MRPS35: variants seen among roughly 807,000 people sequenced by gnomAD.
MRPS35 encodes small ribosomal subunit protein mS35.
In MRPS35, 29 loss-of-function variants were observed where a neutral mutation model predicts 32.7. The observed-to-expected ratio is 0.89, with a 90% CI of 0.66 to 1.21. MRPS35 has a LOEUF of 1.21. Among genes scored for constraint, MRPS35 ranks in the 50% most tolerant of loss-of-function variants. The probability of loss-of-function intolerance (pLI) is 0.00; values close to 1 mark genes in which losing one functional copy is unlikely to be tolerated. For missense variants in MRPS35, 373 were observed against 383.8 expected, an observed-to-expected ratio of 0.97 and a Z score of 0.23; for synonymous variants, 148 against 139.3, an observed-to-expected ratio of 1.06 and a Z score of -0.44.
intron 5 of MRPS35, chr12:27,725,706 T>A (rs917931426): frequency 2.5e-5 from 4 of 157,256 alleles, no homozygotes; most frequent in African/African-American, 9.6e-5. Flanking sequence ...TGTATGTCTT[T>A]GAATACTAGT....
At chr12:27,711,426 A>G in intron 1 of MRPS35, among the ~76,000 whole-genome samples, 1 of 152,188 alleles carries the variant, frequency 6.6e-6, no homozygotes, top group Non-Finnish European at 1.5e-5. Context: ...CAGAGATTGT[A>G]GGGATGCTTG....
chr12:27,735,811 A>G (rs1181169704), intron 6 of MRPS35, among the ~76,000 whole-genome samples: 1 of 152,172 alleles, frequency 6.6e-6, no homozygotes, highest in Non-Finnish European at 1.5e-5. Flanking sequence ...TGTATATAAA[A>G]CTCAAGAGAG....
At chr12:27,751,121 A>AAAG (rs2062001024) in intron 7 of MRPS35, among the ~76,000 whole-genome samples, 1 of 150,632 alleles carries the variant, frequency 6.6e-6, no homozygotes, top group Non-Finnish European at 1.5e-5. Flanking sequence ...AAAAAAAAAA[A>AAAG]AAAAAGAAAA....
intron 7 of MRPS35, among the ~76,000 whole-genome samples, chr12:27,753,560 T>A (rs2062014734): frequency 6.6e-6 from 1 of 152,198 alleles, no homozygotes; most frequent in African/African-American, 2.4e-5. Context: ...AGCTGGAATC[T>A]CTTTGAAGGG....
At chr12:27,739,149 C>T (rs1165809581) in intron 7 of MRPS35, among the ~76,000 whole-genome samples, 5 of 152,174 alleles carry the variant, frequency 3.3e-5, no homozygotes, top group African/African-American at 4.8e-5. Context: ...CCACCCGCCT[C>T]GGCCTCCCGA....
chr12:27,729,042 T>C (rs2061911203), intron 5 of MRPS35, among the ~76,000 whole-genome samples: 1 of 152,186 alleles, frequency 6.6e-6, no homozygotes, highest in Non-Finnish European at 1.5e-5. Context: ...ATTTTTGTTT[T>C]GCTTTTCCCT....
intron 7 of MRPS35, among the ~76,000 whole-genome samples, chr12:27,740,396 T>C (rs2061959706): frequency 6.6e-6 from 1 of 152,072 alleles, no homozygotes; most frequent in South Asian, 2.1e-4. Context: ...GCCTCCTGAA[T>C]AGCTGGGACT....
At chr12:27,753,930 TATGGGA>T (rs1449840514) in intron 7 of MRPS35, among the ~76,000 whole-genome samples, 5 of 152,178 alleles carry the variant, frequency 3.3e-5, no homozygotes, top group Non-Finnish European at 2.9e-5. Flanking sequence ...TTGTTCACAT[TATGGGA>T]ACAGAAAGAT....
At position 27,756,244 on chromosome 12, in the gene MRPS35, C is replaced by T. The variant is rs2062025897; in HGVS notation, c.*794C>T. 6.6e-6 allele frequency: 1 copy of T among 152,232 alleles called. No individual in the cohort carries two copies. The highest frequency in any genetic ancestry group is 2.4e-5 in the African/African-American group (1 of 41,458). 9.4% of individuals were successfully genotyped at this position (152,232 alleles called of 1,614,324 possible). The stretch of plus-strand genomic sequence containing the variant: ...TACACCTGTCAGCTGTTTCTTACCA[C>T]TTCGATGGTTGTGATTAATTTAAAA... On this transcript the variant is annotated 3_prime_UTR_variant, in exon 8 of 8. Coordinates refer to ENST00000081029, the MANE Select transcript of MRPS35 (RefSeq NM_021821.4).
intron 7 of MRPS35, among the ~76,000 whole-genome samples, chr12:27,741,403 G>A (rs1339351577): frequency 3.3e-5 from 5 of 152,108 alleles, no homozygotes; most frequent in Non-Finnish European, 5.9e-5. Flanking sequence ...GGGAGAATTT[G>A]TGTAAAGTGT....
intron 5 of MRPS35, among the ~76,000 whole-genome samples, chr12:27,733,105 C>T (rs969907381): frequency 6.7e-6 from 1 of 148,340 alleles, no homozygotes; most frequent in Admixed American, 6.9e-5. Flanking sequence ...AGTATTATAT[C>T]GATTCTTTGA....
At chr12:27,719,939 A>G (rs2061866768) in intron 4 of MRPS35, 71 bp downstream of exon 4, 1 of 1,117,642 alleles carries the variant, frequency 8.9e-7, no homozygotes, top group East Asian at 2.4e-5. Context: ...CTGTTCTGAT[A>G]TACTGTATAG....
chr12:27,732,999 T>TATATATATATATATAA (rs2061928081), intron 5 of MRPS35, among the ~76,000 whole-genome samples: 4 of 10,224 alleles, frequency 3.9e-4, no homozygotes, highest in Non-Finnish European at 6.3e-4. Context: ...TATATATATA[T>TATATATATATATATAA]ATATATATAT....
chr12:27,712,787 C>A (rs2061833661), intron 1 of MRPS35, among the ~76,000 whole-genome samples: 1 of 152,170 alleles, frequency 6.6e-6, no homozygotes, highest in Non-Finnish European at 1.5e-5. Context: ...GAGGTCGAGG[C>A]CTGCGGATCC....
At chr12:27,740,282 C>A (rs970394210) in intron 7 of MRPS35, among the ~76,000 whole-genome samples, 3 of 99,826 alleles carry the variant, frequency 3.0e-5, no homozygotes, top group African/African-American at 1.1e-4. Context: ...TTTTTTTTTT[C>A]TTCGAGTCAG....
chr12:27,716,330 G>T lies in MRPS35; in HGVS notation c.193G>T (p.Asp65Tyr). The T allele has an allele frequency of 6.2e-7, 1 of 1,613,842 alleles. No homozygotes were observed. The highest frequency in any genetic ancestry group is 8.5e-7 in the Non-Finnish European group (1 of 1,179,892). Residue 65 changes from aspartate to tyrosine, a missense_variant, in exon 3 of 8, where the codon GAC becomes TAC. Asp to Tyr is a radical substitution (Grantham distance 160). Transcript: ENST00000081029. ...PRTEKMAVDQ[D>Y]WPSVYPVAAP... ...GACAGAGAAAATGGCTGTTGACCAG[G>T]ACTGGCCTAGTGTTTACCCAGTTGC...
intron 7 of MRPS35, among the ~76,000 whole-genome samples, chr12:27,750,423 T>C (rs1591804056): frequency 6.6e-6 from 1 of 152,376 alleles, no homozygotes. Context: ...TAATTAAGTA[T>C]TCAATTTGTT....
intron 7 of MRPS35, among the ~76,000 whole-genome samples, chr12:27,742,987 A>G (rs1161992668): frequency 6.6e-6 from 1 of 151,902 alleles, no homozygotes; most frequent in African/African-American, 2.4e-5. Flanking sequence ...CAGCCTCCCA[A>G]GTAGCTGGGA....
intron 7 of MRPS35, among the ~76,000 whole-genome samples, chr12:27,741,577 T>C (rs2061964858): frequency 1.3e-5 from 2 of 152,220 alleles, no homozygotes; most frequent in African/African-American, 2.4e-5. Flanking sequence ...ACAAGTAAAG[T>C]CAGATCTATA....
Sources: allele counts gnomAD v4.1 joint callset (sites outside exome capture counted in the v4.1 genomes callset), GRCh38; gene constraint gnomAD v4.1.1; transcripts MANE v1.5; gene names NCBI Gene and HGNC (gene_info 2026-07-23, HGNC 2026-07-21).